Variants in DHRSX observed in about 807,000 individuals in gnomAD.
The protein encoded by DHRSX is polyprenol dehydrogenase.
Under a neutral mutation model 34.0 loss-of-function variants are expected in DHRSX, and 31 were observed. The ratio of observed to expected loss-of-function variants is 0.91; its 90% CI spans 0.69 to 1.23. The LOEUF (loss-of-function observed/expected upper bound fraction) is 1.23, where lower values mean the gene tolerates loss of function less well. Ranked by LOEUF, DHRSX falls within the 50% of genes most tolerant of loss-of-function variation. DHRSX has a pLI of 0.00. For synonymous variants in DHRSX, 201 were observed against 183.8 expected (o/e 1.09, Z -0.76); for missense variants, 414 against 428.1 (o/e 0.97, Z 0.29).
At position 2,445,926 on chromosome X, in the gene DHRSX, C is replaced by T. The variant is rs368947274; in HGVS notation, c.110-20622G>A. On this transcript the variant is annotated intron_variant, in intron 1 of 6. Coordinates refer to ENST00000334651, the MANE Select transcript of DHRSX (RefSeq NM_145177.3). ...CCTAAGAATGTGGCCAAGGGACCGA[C>T]GCCATGTACACACTGAACACATTTC... Among the ~76,000 whole-genome samples the T allele has an allele frequency of 2.0e-4, 30 of 150,886 alleles. 1 individual carries two copies. Among genetic ancestry groups the T allele is most frequent in the East Asian group, 1.6e-3 (8 of 4,978 alleles).
chrX:2,347,210 G>C (rs866289739), intron 3 of DHRSX, among the ~76,000 whole-genome samples: 40 of 152,312 alleles, frequency 2.6e-4, no homozygotes, highest in Non-Finnish European at 1.3e-4. Context: ...ATGGTGGAAA[G>C]CAAAAGGTGA....
chrX:2,413,991 T>A (rs2043662779), intron 2 of DHRSX, among the ~76,000 whole-genome samples: 1 of 151,674 alleles, frequency 6.6e-6, no homozygotes, highest in Non-Finnish European at 1.5e-5. Flanking sequence ...CTGAATCTCA[T>A]CACAACCAAC....
At chrX:2,367,419 T>C (rs1352572368) in intron 3 of DHRSX, among the ~76,000 whole-genome samples, 2 of 130,684 alleles carry the variant, frequency 1.5e-5, no homozygotes, top group Admixed American at 8.8e-5. Context: ...GCCTGGGAGA[T>C]AGAGCAAGAC....
chrX:2,232,170 T>G (rs2015910346), intron 6 of DHRSX, among the ~76,000 whole-genome samples: 1 of 151,672 alleles, frequency 6.6e-6, no homozygotes, highest in Admixed American at 6.6e-5. Flanking sequence ...GCCCCCTCTA[T>G]TATCAATTTA....
intron 3 of DHRSX, among the ~76,000 whole-genome samples, chrX:2,296,965 GACCCCAGGCAGACAGGA>G (rs2041941610): frequency 3.8e-5 from 4 of 104,666 alleles, no homozygotes; most frequent in African/African-American, 1.0e-4. Context: ...CAGGCAGATA[GACCCCAGGCAGACAGGA>G]ATAGGACCCA....
chrX:2,342,407 C>A (rs1272718292), intron 3 of DHRSX, among the ~76,000 whole-genome samples: 7 of 152,004 alleles, frequency 4.6e-5, no homozygotes, highest in Non-Finnish European at 1.0e-4. Flanking sequence ...CGGATTGTCC[C>A]GGGGCTAGTT....
At chrX:2,327,631 T>TG (rs1244537889) in intron 3 of DHRSX, among the ~76,000 whole-genome samples, 1 of 152,188 alleles carries the variant, frequency 6.6e-6, no homozygotes, top group Non-Finnish European at 1.5e-5. Flanking sequence ...ACAGCTGTGA[T>TG]GGGCTGATTC....
At chrX:2,371,682 A>C (rs867112665) in intron 3 of DHRSX, among the ~76,000 whole-genome samples, 4 of 61,806 alleles carry the variant, frequency 6.5e-5, no homozygotes, top group South Asian at 8.8e-4. Flanking sequence ...TCCTCCTCCC[A>C]TTATCACCGC....
chrX:2,229,033 G>A (rs1358216743), intron 6 of DHRSX, among the ~76,000 whole-genome samples: 10 of 152,066 alleles, frequency 6.6e-5, no homozygotes, highest in African/African-American at 2.4e-4. Context: ...GGCGGCAAAC[G>A]CTCAGCTCTC....
intron 3 of DHRSX, among the ~76,000 whole-genome samples, chrX:2,357,730 C>T (rs1396242019): frequency 6.7e-6 from 1 of 149,944 alleles, no homozygotes; most frequent in African/African-American, 2.5e-5. Context: ...AGAATCATTG[C>T]TTGTTTCTCT....
rs1365941015 is a variant in DHRSX, at chrX:2,296,495, GGACCCAGGCAGATA to G, written c.287-4906_287-4893del. On this transcript the variant is annotated intron_variant, in intron 3 of 6. Transcript: ENST00000334651. ...AATAGGACCCAGGCAGATAGGAATA[GGACCCAGGCAGATA>G]GACCCAGGCAGACAGGAATAGGACC... Among the ~76,000 whole-genome samples, 11 of 150,118 alleles carry G rather than the reference GGACCCAGGCAGATA, an allele frequency of 7.3e-5. No individual in the cohort carries two copies. The East Asian group carries it at 1.8e-3, about 24-fold the overall frequency.
chrX:2,311,080 A>G (rs909945704), intron 3 of DHRSX, among the ~76,000 whole-genome samples: 4 of 150,542 alleles, frequency 2.7e-5, no homozygotes, highest in Admixed American at 2.0e-4. Context: ...AAAAAAAGAG[A>G]GACAGAAGGA....
In DHRSX at chrX:2,290,910, G is replaced by A. The variant is rs780085793; in HGVS notation, c.388+592C>T. Among the ~76,000 whole-genome samples, 7 of 152,304 alleles carry A rather than the reference G, an allele frequency of 4.6e-5. No individual in the cohort carries two copies. The East Asian group carries it at 1.3e-3, about 29-fold the overall frequency. Reference sequence around the variant, plus strand: ...GTTACGAGGAGAAACATTAAGTGTTGCAATGATCTTAAGCGCTCAGCGTGG... The same window carrying A: ...GTTACGAGGAGAAACATTAAGTGTTACAATGATCTTAAGCGCTCAGCGTGG... On this transcript the variant is annotated intron_variant, in intron 4 of 6. Transcript: ENST00000334651.
intron 4 of DHRSX, among the ~76,000 whole-genome samples, chrX:2,286,542 T>C (rs927528696): frequency 6.6e-6 from 1 of 152,194 alleles, no homozygotes; most frequent in African/African-American, 2.4e-5. Flanking sequence ...TTCTGTTGCA[T>C]TTCCAAGAGA....
intron 4 of DHRSX, among the ~76,000 whole-genome samples, chrX:2,283,650 C>T (rs1276450976): frequency 1.3e-5 from 2 of 152,188 alleles, no homozygotes; most frequent in Non-Finnish European, 2.9e-5. Flanking sequence ...CAGAACTGCA[C>T]ACCTGGGCTT....
At chrX:2,433,925 C>A (rs541499597) in intron 1 of DHRSX, among the ~76,000 whole-genome samples, 1 of 152,140 alleles carries the variant, frequency 6.6e-6, no homozygotes, top group African/African-American at 2.4e-5. Context: ...CAGGCGCCCG[C>A]CACCACGCCC....
chrX:2,330,516 T>A (rs1405991016), intron 3 of DHRSX, among the ~76,000 whole-genome samples: 6 of 97,764 alleles, frequency 6.1e-5, no homozygotes, highest in Non-Finnish European at 9.1e-5. Context: ...TGAGACTCCG[T>A]GAAAGAAAAA....
intron 1 of DHRSX, among the ~76,000 whole-genome samples, chrX:2,435,050 G>T: frequency 6.7e-6 from 1 of 149,926 alleles, no homozygotes; most frequent in South Asian, 2.1e-4. Context: ...AATTCTCAGG[G>T]GTTCAGGACA....
At chrX:2,466,550 A>C (rs1163418017) in intron 1 of DHRSX, among the ~76,000 whole-genome samples, 1 of 152,042 alleles carries the variant, frequency 6.6e-6, no homozygotes, top group Non-Finnish European at 1.5e-5. Flanking sequence ...ACCAAATATC[A>C]CCTGTTCTCA....
Sources: gnomAD v4.1 joint callset for allele counts (sites outside exome capture counted in the v4.1 genomes callset) on GRCh38, gnomAD v4.1.1 for gene constraint, MANE v1.5 for transcripts, NCBI Gene and HGNC (gene_info 2026-07-23, HGNC 2026-07-21) for gene names.